NHS: variants seen among roughly 807,000 people sequenced by gnomAD.
The protein encoded by NHS is NHS actin remodeling regulator, also known as actin remodeling regulator NHS.
In NHS, 5 loss-of-function variants were observed where a neutral mutation model predicts 72.5. That is an observed-to-expected ratio of 0.07 (90% CI 0.04 to 0.14). The LOEUF is 0.14. Ranked by LOEUF, NHS falls within the 10% of genes least tolerant of loss-of-function variation. The pLI is 1.00. For missense variants in NHS, 1,072 were observed against 1,355.7 expected (o/e 0.79, Z 3.29); for synonymous variants, 464 against 547.7 (o/e 0.85, Z 2.13).
intron 1 of NHS, among the ~76,000 whole-genome samples, chrX:17,509,206 A>AATTT (rs10691839): frequency 0.11 from 10,794 of 98,156 alleles, 1,243 homozygotes; most frequent in African/African-American, 0.32. Context: ...AGTTACAAGT[A>AATTT]ATTTATTTAT....
At chrX:17,646,858 C>T (rs944243605) in intron 1 of NHS, among the ~76,000 whole-genome samples, 4 of 112,117 alleles carry the variant, frequency 3.6e-5, no homozygotes, top group African/African-American at 1.3e-4. Flanking sequence ...AGGAAGGTTT[C>T]CTTCTCTCTG....
chrX:17,634,793 C>T (rs1338558250), intron 1 of NHS, among the ~76,000 whole-genome samples: 1 of 111,932 alleles, frequency 8.9e-6, no homozygotes, highest in Non-Finnish European at 1.9e-5. Context: ...TGTATCGCCT[C>T]CACCTGCACC....
At chrX:17,635,686 T>G in intron 1 of NHS, 1 of 924,243 alleles carries the variant, frequency 1.1e-6, no homozygotes. Context: ...CTGTAGCCAC[T>G]TCCTATTCTG....
chrX:17,612,700 T>A (rs930867319), intron 1 of NHS, among the ~76,000 whole-genome samples: 12 of 112,004 alleles, frequency 1.1e-4, no homozygotes, highest in African/African-American at 3.3e-4. Context: ...TGGAAATGCC[T>A]TGGATCTTCC....
intron 1 of NHS, among the ~76,000 whole-genome samples, chrX:17,506,558 TAAATAAA>T (rs2065059700): frequency 9.4e-6 from 1 of 106,304 alleles, no homozygotes; most frequent in African/African-American, 3.4e-5. Flanking sequence ...AATAAATAAA[TAAATAAA>T]TAAGTAAATA....
intron 1 of NHS, among the ~76,000 whole-genome samples, chrX:17,632,175 A>G (rs955874747): frequency 8.9e-6 from 1 of 111,734 alleles, no homozygotes; most frequent in Non-Finnish European, 1.9e-5. Flanking sequence ...AGGTTCACTA[A>G]GAAATTGACA....
intron 1 of NHS, among the ~76,000 whole-genome samples, chrX:17,660,834 A>C (rs1287959750): frequency 8.9e-6 from 1 of 112,506 alleles, no homozygotes; most frequent in Non-Finnish European, 1.9e-5. Context: ...CAAGGGCATA[A>C]ATAACAGGAG....
chrX:17,662,765 T>G (rs980382737), intron 1 of NHS, among the ~76,000 whole-genome samples: 1 of 112,080 alleles, frequency 8.9e-6, no homozygotes, highest in African/African-American at 3.2e-5. Context: ...AAAAGGTGAT[T>G]CATCAGATGT....
chrX:17,385,674 A>G (rs113605824), intron 1 of NHS, among the ~76,000 whole-genome samples: 3,209 of 111,882 alleles, frequency 0.029, 120 homozygotes, highest in African/African-American at 0.099. Context: ...TGCTCAAAGC[A>G]TTTAACCACC....
chrX:17,405,197 G>C (rs2064523781), intron 1 of NHS, among the ~76,000 whole-genome samples: 1 of 111,940 alleles, frequency 8.9e-6, no homozygotes, highest in Non-Finnish European at 1.9e-5. Context: ...TGTATAGGAA[G>C]GTTTTTAATG....
intron 1 of NHS, among the ~76,000 whole-genome samples, chrX:17,644,888 A>G (rs768109547): frequency 7.2e-5 from 8 of 111,300 alleles, no homozygotes; most frequent in African/African-American, 2.6e-4. Flanking sequence ...GGGAGTATGC[A>G]TAAGTCCCTC....
rs748592215 is a variant in NHS, at chrX:17,702,118, T to C, written c.852+9650T>C. On this transcript the variant is annotated intron_variant, in intron 3 of 8. Coordinates refer to ENST00000676302, the MANE Select transcript of NHS (RefSeq NM_001291867.2). ...AAGGGGGATGGCATTTCTCTGAGTA[T>C]ATTTTTTGGGTTATAGCTCAGGTAA... 9.9e-5 allele frequency among the ~76,000 whole-genome samples: 11 copies of C among 110,694 alleles called. No individual in the cohort carries two copies. The East Asian group carries it at 2.6e-3, about 26-fold the overall frequency.
At chrX:17,586,003 T>TC (rs1218040806) in intron 1 of NHS, 1 of 110,781 alleles carries the variant, frequency 9.0e-6, no homozygotes, top group Non-Finnish European at 1.9e-5. Context: ...TGCTTTTTTT[T>TC]CTCTTTTCAA....
intron 1 of NHS, among the ~76,000 whole-genome samples, chrX:17,549,159 A>G (rs1056797987): frequency 9.5e-6 from 1 of 104,841 alleles, no homozygotes; most frequent in African/African-American, 3.5e-5. Context: ...AAGAAAGAAA[A>G]TGAAAGCTAG....
At chrX:17,693,516 A>G (rs2066209813) in intron 3 of NHS, among the ~76,000 whole-genome samples, 1 of 112,203 alleles carries the variant, frequency 8.9e-6, no homozygotes, top group Admixed American at 9.4e-5. Context: ...TAAATTGTGC[A>G]CTCTTACGGC....
intron 1 of NHS, among the ~76,000 whole-genome samples, chrX:17,444,126 T>C (rs909884716): frequency 9.0e-6 from 1 of 111,719 alleles, no homozygotes; most frequent in Non-Finnish European, 1.9e-5. Flanking sequence ...GAGGGCAAAA[T>C]GAGAGCCCAC....
chrX:17,542,893 G>T (rs2065271476), intron 1 of NHS, among the ~76,000 whole-genome samples: 1 of 112,028 alleles, frequency 8.9e-6, no homozygotes, highest in African/African-American at 3.2e-5. Flanking sequence ...CCAGCTTGTA[G>T]GATTTTTATG....
intron 1 of NHS, among the ~76,000 whole-genome samples, chrX:17,615,925 C>CA (rs1047096239): frequency 9.0e-6 from 1 of 110,958 alleles, no homozygotes; most frequent in Admixed American, 9.6e-5. Context: ...ATTGTGAGCT[C>CA]AATTTCAGCA....
intron 1 of NHS, among the ~76,000 whole-genome samples, chrX:17,655,080 TGGG>T (rs924188104): frequency 1.6e-4 from 18 of 111,635 alleles, no homozygotes; most frequent in Admixed American, 1.2e-3. Flanking sequence ...CGGAGATGAA[TGGG>T]GGGAGGGGAC....
Sources: gnomAD v4.1 joint callset for allele counts (sites outside exome capture counted in the v4.1 genomes callset) on GRCh38, gnomAD v4.1.1 for gene constraint, MANE v1.5 for transcripts, NCBI Gene and HGNC (gene_info 2026-07-23, HGNC 2026-07-21) for gene names.